SVIL: variants seen among roughly 807,000 people sequenced by gnomAD.
SVIL encodes archvillin.
Under a neutral mutation model 240.4 loss-of-function variants are expected in SVIL, and 101 were observed. That is an observed-to-expected ratio of 0.42 (90% CI 0.36 to 0.50). The LOEUF (loss-of-function observed/expected upper bound fraction) is 0.50. SVIL is among the 20% of genes least tolerant of loss of function. The pLI is 0.01. For synonymous variants in SVIL, 999 were observed against 1,100.0 expected (o/e 0.91, Z 1.82); for missense variants, 2,512 against 2,818.7 (o/e 0.89, Z 2.46).
chr10:29,642,206 C>A (rs1015227312), intron 3 of SVIL, among the ~76,000 whole-genome samples: 23 of 152,192 alleles, frequency 1.5e-4, no homozygotes, highest in African/African-American at 5.5e-4. Flanking sequence ...CAAGACCAGC[C>A]TGGCCAACAC....
chr10:29,464,729 A>C (rs1184296965), intron 34 of SVIL, among the ~76,000 whole-genome samples: 1 of 152,188 alleles, frequency 6.6e-6, no homozygotes, highest in Non-Finnish European at 1.5e-5. Context: ...TGACATGTGC[A>C]CTGGGCAAAC....
At chr10:29,619,506 G>A (rs1302540121) in intron 1 of SVIL, among the ~76,000 whole-genome samples, 2 of 152,232 alleles carry the variant, frequency 1.3e-5, no homozygotes, top group African/African-American at 2.4e-5. Context: ...AACCAAAGCT[G>A]GAATGGAGAG....
Position 29,486,115 on chromosome 10 carries a change from A to G in SVIL, c.4749T>C (p.Ile1583=), listed in dbSNP as rs1194721892. 4 of 1,614,186 alleles carry G rather than the reference A, an allele frequency of 2.5e-6. No individual in the cohort carries two copies. The highest frequency in any genetic ancestry group is 3.4e-6 in the Non-Finnish European group (4 of 1,180,034). ...TGGGTTGCAGAAGGGAGCACTTCGG[A>G]ATTTTCCCCCAGTAGTCGTCATCAG... ...LVPDDDYWGK[I]PKCSLLQPKE... Residue 1583 remains isoleucine, a synonymous_variant, in exon 26 of 38, where the codon ATT becomes ATC. Transcript: ENST00000355867.
At chr10:29,696,365 G>A (rs1481285658) in intron 1 of SVIL, among the ~76,000 whole-genome samples, 9 of 152,064 alleles carry the variant, frequency 5.9e-5, no homozygotes, top group African/African-American at 1.9e-4. Flanking sequence ...GCCCCTGCCC[G>A]GCCGCCACCC....
chr10:29,596,467 T>C (rs1217301802), intron 1 of SVIL, among the ~76,000 whole-genome samples: 1 of 151,888 alleles, frequency 6.6e-6, no homozygotes, highest in Non-Finnish European at 1.5e-5. Flanking sequence ...AGCGAGGCCC[T>C]GTCTGTAAAA....
intron 2 of SVIL, among the ~76,000 whole-genome samples, chr10:29,684,111 T>C (rs1315029340): frequency 6.6e-6 from 1 of 152,150 alleles, no homozygotes; most frequent in Non-Finnish European, 1.5e-5. Flanking sequence ...AGAGAAACTG[T>C]AGAATTCCTT....
chr10:29,532,848 T>A lies in SVIL; in HGVS notation c.1519A>T (p.Thr507Ser). 6.2e-7 allele frequency: 1 copy of A among 1,614,190 alleles called. No individual in the cohort carries two copies. Among genetic ancestry groups the A allele is most frequent in the Non-Finnish European group, 8.5e-7 (1 of 1,180,034 alleles). The part of the protein sequence containing the change: ...AQPPQAPHQP[T>S]ERTGRSEMVL... ...ATCTCGCTCCTGCCTGTCCTCTCAG[T>A]GGGCTGGTGCGGAGCTTGAGGGGGT... The change falls in exon 8 of 38, where the codon ACT becomes TCT. Residue 507 changes from threonine to serine, a missense_variant. Transcript: ENST00000355867.
At chr10:29,506,381 A>G (rs1288424469) in intron 17 of SVIL, among the ~76,000 whole-genome samples, 2 of 152,088 alleles carry the variant, frequency 1.3e-5, no homozygotes, top group African/African-American at 2.4e-5. Flanking sequence ...GGAAGGAACC[A>G]GGAGAGTGAG....
chr10:29,491,781 A>G (rs76926144), intron 21 of SVIL, among the ~76,000 whole-genome samples: 3,149 of 152,308 alleles, frequency 0.021, 115 homozygotes, highest in African/African-American at 0.069. Context: ...ATATGTGTCT[A>G]TCAATATGTT....
intron 21 of SVIL, among the ~76,000 whole-genome samples, chr10:29,491,679 A>C (rs1426461026): frequency 2.0e-5 from 3 of 152,146 alleles, no homozygotes; most frequent in Non-Finnish European, 4.4e-5. Flanking sequence ...AGACCGAGAG[A>C]AGCGATCTCC....
intron 1 of SVIL, among the ~76,000 whole-genome samples, chr10:29,694,859 G>A (rs542476063): frequency 7.9e-5 from 12 of 152,306 alleles, no homozygotes; most frequent in Non-Finnish European, 1.8e-4. Flanking sequence ...GCTATAAGCC[G>A]TTGGACCTAA....
At chr10:29,622,108 G>A (rs1288029021) in intron 1 of SVIL, among the ~76,000 whole-genome samples, 1 of 151,088 alleles carries the variant, frequency 6.6e-6, no homozygotes, top group Non-Finnish European at 1.5e-5. Flanking sequence ...AAATTAGCCG[G>A]GCGTGGTGGC....
intron 2 of SVIL, among the ~76,000 whole-genome samples, chr10:29,660,916 C>T (rs1959140119): frequency 6.6e-6 from 1 of 152,116 alleles, no homozygotes; most frequent in African/African-American, 2.4e-5. Context: ...CGCCTGTAAT[C>T]CCAGCACTCT....
chr10:29,476,237 T>G (rs1021426385), intron 29 of SVIL, among the ~76,000 whole-genome samples: 5 of 152,234 alleles, frequency 3.3e-5, no homozygotes, highest in Admixed American at 2.0e-4. Context: ...ACTAAATAGA[T>G]TATTGAGGAA....
chr10:29,460,619 T>C (rs1007032162), intron 36 of SVIL, among the ~76,000 whole-genome samples: 3 of 152,226 alleles, frequency 2.0e-5, no homozygotes, highest in Middle Eastern at 3.4e-3. Context: ...GCATCTCCAA[T>C]AGTATCAAAA....
At chr10:29,520,816 CGA>C (rs1278450554) in intron 16 of SVIL, among the ~76,000 whole-genome samples, 3 of 151,126 alleles carry the variant, frequency 2.0e-5, no homozygotes. Flanking sequence ...CTGGGGAGGC[CGA>C]GGCAGGAGGA....
chr10:29,557,626 A>G (rs531307178), intron 3 of SVIL, among the ~76,000 whole-genome samples: 1 of 152,342 alleles, frequency 6.6e-6, no homozygotes, highest in Admixed American at 6.5e-5. Flanking sequence ...ACAACAGTGC[A>G]TGGAAAAGCA....
At chr10:29,704,430 T>A (rs1321448099) in intron 1 of SVIL, among the ~76,000 whole-genome samples, 1 of 152,088 alleles carries the variant, frequency 6.6e-6, no homozygotes, top group Non-Finnish European at 1.5e-5. Context: ...TCTCTCTCTC[T>A]CTCTTTTTTT....
intron 3 of SVIL, among the ~76,000 whole-genome samples, chr10:29,555,528 T>C (rs560526393): frequency 6.6e-6 from 1 of 152,296 alleles, no homozygotes; most frequent in African/African-American, 2.4e-5. Flanking sequence ...GAATGTTTTG[T>C]TGTATATATA....
Sources: allele counts gnomAD v4.1 joint callset (sites outside exome capture counted in the v4.1 genomes callset), GRCh38; gene constraint gnomAD v4.1.1; transcripts MANE v1.5; gene names NCBI Gene and HGNC (gene_info 2026-07-23, HGNC 2026-07-21).